DCAF8L2: variants seen among roughly 807,000 people sequenced by gnomAD.
The protein encoded by DCAF8L2 is DDB1 and CUL4 associated factor 8 like 2, also known as DDB1- and CUL4-associated factor 8-like protein 2.
For missense variants in DCAF8L2, 430 were observed against 490.7 expected, an observed-to-expected ratio of 0.88 and a Z score of 1.17; for synonymous variants, 200 against 190.9, an observed-to-expected ratio of 1.05 and a Z score of -0.39.
the DCAF8L2 span, among the ~76,000 whole-genome samples, chrX:27,569,844 C>A: frequency 1.8e-5 from 2 of 111,080 alleles, no homozygotes; most frequent in Non-Finnish European, 1.9e-5. Context: ...AAAGTTATTT[C>A]GACTCTCAGG....
chrX:27,581,590 T>C, the DCAF8L2 span, among the ~76,000 whole-genome samples: 8 of 13,143 alleles, frequency 6.1e-4, no homozygotes, highest in Admixed American at 9.7e-4. Context: ...TTTAATACAA[T>C]TTTTTTTTTT....
the DCAF8L2 span, among the ~76,000 whole-genome samples, chrX:27,528,022 T>TAAATTAAATTTTTAATTTAATTA: frequency 1.2e-3 from 53 of 42,579 alleles, no homozygotes; most frequent in East Asian, 6.4e-3. Flanking sequence ...TTTAATTAAT[T>TAAATTAAATTTTTAATTTAATTA]ATTAAATTAA....
the DCAF8L2 span, among the ~76,000 whole-genome samples, chrX:27,484,271 A>G: frequency 8.9e-6 from 1 of 111,781 alleles, no homozygotes; most frequent in Non-Finnish European, 1.9e-5. Flanking sequence ...ATAAAATTCA[A>G]ACATTTAAAA....
intron 1 of DCAF8L2, among the ~76,000 whole-genome samples, chrX:27,597,780 T>G (rs1391577999): frequency 8.9e-6 from 1 of 112,433 alleles, no homozygotes; most frequent in Admixed American, 9.5e-5. Flanking sequence ...GCATTAAATG[T>G]TGCTATGAAT....
chrX:27,674,044 G>A (rs1320748134), intron 2 of DCAF8L2, among the ~76,000 whole-genome samples: 2 of 111,488 alleles, frequency 1.8e-5, no homozygotes, highest in African/African-American at 3.3e-5. Flanking sequence ...TCCAAATGTG[G>A]ATCATTATCA....
chrX:27,487,565 G>A, the DCAF8L2 span, among the ~76,000 whole-genome samples: 6 of 112,281 alleles, frequency 5.3e-5, no homozygotes, highest in Admixed American at 2.8e-4. Flanking sequence ...TTACAGGTGT[G>A]AGCTACTGCG....
At chrX:27,650,876 T>C (rs143202041) in intron 2 of DCAF8L2, among the ~76,000 whole-genome samples, 1,341 of 111,511 alleles carry the variant, frequency 0.012, 19 homozygotes, top group African/African-American at 0.042. Context: ...CTTATTCCAG[T>C]TCTCAAGGGG....
At chrX:27,722,453 C>T (rs1343900164) in intron 4 of DCAF8L2, among the ~76,000 whole-genome samples, 1 of 111,383 alleles carries the variant, frequency 9.0e-6, no homozygotes, top group Admixed American at 9.5e-5. Flanking sequence ...GGGCAAAACC[C>T]TCTAATGCAA....
At chrX:27,606,079 CTTT>C (rs771706520) in intron 1 of DCAF8L2, among the ~76,000 whole-genome samples, 1 of 94,944 alleles carries the variant, frequency 1.1e-5, no homozygotes, top group Non-Finnish European at 2.1e-5. Context: ...AGACAGTGCA[CTTT>C]TTTTTTTTTG....
chrX:27,527,507 G>A, the DCAF8L2 span, among the ~76,000 whole-genome samples: 4 of 110,906 alleles, frequency 3.6e-5, no homozygotes, highest in South Asian at 7.8e-4. Flanking sequence ...TTCGGCTCAC[G>A]CTCGGTGGGC....
chrX:27,488,443 C>T, the DCAF8L2 span, among the ~76,000 whole-genome samples: 1 of 108,633 alleles, frequency 9.2e-6, no homozygotes, highest in Admixed American at 1.0e-4. Context: ...TGTAAATTAC[C>T]GTTGCACTTT....
the DCAF8L2 span, among the ~76,000 whole-genome samples, chrX:27,474,973 C>T: frequency 9.0e-6 from 1 of 111,326 alleles, no homozygotes; most frequent in East Asian, 2.8e-4. Flanking sequence ...AGGGGCTGCT[C>T]TAAGGTTCCT....
the DCAF8L2 span, among the ~76,000 whole-genome samples, chrX:27,540,985 A>G: frequency 8.9e-6 from 1 of 112,401 alleles, no homozygotes; most frequent in Admixed American, 9.4e-5. Context: ...CATTGTTGTC[A>G]TCAGAGTGAA....
chrX:27,631,449 A>G (rs1018231544), intron 1 of DCAF8L2, among the ~76,000 whole-genome samples: 1 of 112,603 alleles, frequency 8.9e-6, no homozygotes, highest in Non-Finnish European at 1.9e-5. Context: ...ATTATTCTCT[A>G]TCTGCTCCAT....
At chrX:27,476,405 A>G in the DCAF8L2 span, among the ~76,000 whole-genome samples, 1 of 111,877 alleles carries the variant, frequency 8.9e-6, no homozygotes, top group East Asian at 2.8e-4. Flanking sequence ...CTGATTAATT[A>G]GAAAGAGGGT....
At chrX:27,517,254 C>A in the DCAF8L2 span, among the ~76,000 whole-genome samples, 1 of 111,580 alleles carries the variant, frequency 9.0e-6, no homozygotes, top group Non-Finnish European at 1.9e-5. Context: ...GTGCTGCTTA[C>A]CATCATTTTA....
intron 4 of DCAF8L2, among the ~76,000 whole-genome samples, chrX:27,744,426 T>C (rs1050349013): frequency 5.4e-5 from 6 of 111,767 alleles, no homozygotes; most frequent in Middle Eastern, 4.7e-3. Context: ...CTCATTTAAA[T>C]TGTATACACC....
chrX:27,660,074 G>C (rs1929501198), intron 2 of DCAF8L2, among the ~76,000 whole-genome samples: 1 of 111,758 alleles, frequency 8.9e-6, no homozygotes, highest in Non-Finnish European at 1.9e-5. Context: ...TCAGGCTGAA[G>C]TGCAACGGCG....
the DCAF8L2 span, among the ~76,000 whole-genome samples, chrX:27,547,820 GCTCTCT>G: frequency 1.5e-5 from 1 of 66,627 alleles, no homozygotes; most frequent in South Asian, 8.7e-4. Flanking sequence ...TTCCCCATTT[GCTCTCT>G]CTCTCTCTCT....
Sources: gnomAD v4.1 joint callset for allele counts (sites outside exome capture counted in the v4.1 genomes callset) on GRCh38, gnomAD v4.1.1 for gene constraint, MANE v1.5 for transcripts, NCBI Gene and HGNC (gene_info 2026-07-23, HGNC 2026-07-21) for gene names.